PHF21A: variants seen among roughly 807,000 people sequenced by gnomAD.
PHF21A encodes the protein PHD finger protein 21A, also known as BHC80a.
Under a neutral mutation model 82.5 loss-of-function variants are expected in PHF21A, and 11 were observed. The ratio of observed to expected loss-of-function variants is 0.13; its 90% CI spans 0.08 to 0.22. The LOEUF is 0.22. Ranked by LOEUF, PHF21A falls within the 10% of genes least tolerant of loss-of-function variation. The pLI is 1.00. For missense variants in PHF21A, 579 were observed against 837.8 expected (o/e 0.69, Z 3.81); for synonymous variants, 297 against 302.8 (o/e 0.98, Z 0.20).
At chr11:45,993,993 C>T (rs1156423013) in intron 6 of PHF21A, among the ~76,000 whole-genome samples, 1 of 152,098 alleles carries the variant, frequency 6.6e-6, no homozygotes, top group Non-Finnish European at 1.5e-5. Context: ...GCCAGGGAGA[C>T]TGTACTTCTG....
At chr11:46,075,045 A>G (rs1161125786) in intron 6 of PHF21A, among the ~76,000 whole-genome samples, 1 of 152,212 alleles carries the variant, frequency 6.6e-6, no homozygotes, top group Non-Finnish European at 1.5e-5. Flanking sequence ...CTGATGTTAG[A>G]CATTTTTTAA....
chr11:45,970,059 T>G (rs2093662071), intron 8 of PHF21A, 155 bp from the exon 9 acceptor site: 1 of 643,190 alleles, frequency 1.6e-6, no homozygotes, highest in African/African-American at 1.8e-5. Flanking sequence ...ATTAGGAAAC[T>G]TTTTAACTCT....
Position 45,993,178 on chromosome 11 carries a change from C to T in PHF21A, c.154-13212G>A, listed in dbSNP as rs556035965. Among the ~76,000 whole-genome samples, 23 of 152,156 alleles carry T rather than the reference C, an allele frequency of 1.5e-4. 1 individual carries two copies. In the South Asian group the frequency reaches 2.9e-3, roughly 19 times the overall value. Reference sequence around the variant, plus strand: ...AAAAACAATTCATGTTATAAACATACGACTATTTAATAATTTTTCAAGAAT... The same window carrying T: ...AAAAACAATTCATGTTATAAACATATGACTATTTAATAATTTTTCAAGAAT... On this transcript the variant is annotated intron_variant, in intron 6 of 18. Coordinates refer to ENST00000676320, the MANE Select transcript of PHF21A (RefSeq NM_001352027.3).
intron 11 of PHF21A, among the ~76,000 whole-genome samples, chr11:45,952,251 T>C (rs2092220287): frequency 6.6e-6 from 1 of 152,206 alleles, no homozygotes; most frequent in African/African-American, 2.4e-5. Flanking sequence ...ATGATGGTAC[T>C]TGCTTGCCCA....
At chr11:46,027,768 T>TAA (rs1193659363) in intron 6 of PHF21A, among the ~76,000 whole-genome samples, 5 of 152,248 alleles carry the variant, frequency 3.3e-5, no homozygotes, top group African/African-American at 1.2e-4. Flanking sequence ...GGATACCTGT[T>TAA]AAACAATGAT....
At chr11:46,011,114 C>T (rs1359824049) in intron 6 of PHF21A, among the ~76,000 whole-genome samples, 1 of 152,260 alleles carries the variant, frequency 6.6e-6, no homozygotes, top group East Asian at 1.9e-4. Flanking sequence ...GCCACTAGAT[C>T]GTGAACTCCT....
At chr11:45,940,282 G>T (rs1226240527) in intron 15 of PHF21A, among the ~76,000 whole-genome samples, 2 of 151,434 alleles carry the variant, frequency 1.3e-5, no homozygotes, top group African/African-American at 4.9e-5. Context: ...TGCAACCTCT[G>T]CCTCCTGGAT....
intron 6 of PHF21A, among the ~76,000 whole-genome samples, chr11:46,044,650 C>T (rs1237441582): frequency 6.6e-6 from 1 of 152,144 alleles, no homozygotes; most frequent in Non-Finnish European, 1.5e-5. Flanking sequence ...CCTGTGCTTT[C>T]ACTCATAAAC....
chr11:46,043,156 A>C lies in PHF21A; in HGVS notation c.153+33598T>G, dbSNP rs1211671192. On this transcript the variant is annotated intron_variant, in intron 6 of 18. Coordinates refer to ENST00000676320, the MANE Select transcript of PHF21A (RefSeq NM_001352027.3). ...ATGCCATTTGGGTCCTTTAGAGGTA[A>C]GAAATTCAATCAATGTAAAGTACAC... 2.0e-5 allele frequency among the ~76,000 whole-genome samples: 3 copies of C among 152,316 alleles called. No individual in the cohort carries two copies. In the East Asian group the frequency reaches 5.8e-4, roughly 29 times the overall value.
chr11:46,096,242 A>T (rs566890113), intron 1 of PHF21A, among the ~76,000 whole-genome samples: 28 of 151,484 alleles, frequency 1.8e-4, no homozygotes, highest in Non-Finnish European at 3.7e-4. Flanking sequence ...TTTTCCCCTC[A>T]TCATTACTGG....
At chr11:46,085,311 C>T (rs1162538552) in intron 3 of PHF21A, among the ~76,000 whole-genome samples, 1 of 152,148 alleles carries the variant, frequency 6.6e-6, no homozygotes, top group Non-Finnish European at 1.5e-5. Context: ...TTCAAGCTTG[C>T]CAGTCATCTC....
intron 12 of PHF21A, among the ~76,000 whole-genome samples, chr11:45,949,905 AG>A (rs1254053748): frequency 1.2e-4 from 18 of 152,224 alleles, no homozygotes; most frequent in African/African-American, 4.3e-4. Flanking sequence ...GAAAATATAA[AG>A]GCTTATCAGA....
chr11:46,050,070 C>T (rs1203121647), intron 6 of PHF21A, among the ~76,000 whole-genome samples: 2 of 152,210 alleles, frequency 1.3e-5, no homozygotes, highest in South Asian at 2.1e-4. Context: ...CAAGTCTTTC[C>T]CCAGCAGAGT....
intron 3 of PHF21A, among the ~76,000 whole-genome samples, chr11:46,088,142 G>A (rs962838057): frequency 3.3e-5 from 5 of 152,090 alleles, no homozygotes; most frequent in Non-Finnish European, 7.4e-5. Flanking sequence ...AGAATTATTG[G>A]CTACATTTGT....
intron 4 of PHF21A, 87 bp from the exon 5 acceptor site, chr11:46,079,253 T>C: frequency 1.1e-6 from 1 of 896,928 alleles, no homozygotes; most frequent in Non-Finnish European, 1.8e-6. Flanking sequence ...ATCTAGGATT[T>C]TAAGTTAACA....
chr11:45,975,882 T>C (rs1340494761), intron 7 of PHF21A, among the ~76,000 whole-genome samples: 4 of 152,128 alleles, frequency 2.6e-5, no homozygotes, highest in Non-Finnish European at 2.9e-5. Flanking sequence ...GGCCCCCCGA[T>C]TGCTACTTAA....
chr11:45,987,251 A>AATGTATGTATGTATGT (rs57573859), intron 6 of PHF21A, among the ~76,000 whole-genome samples: 51,316 of 148,350 alleles, frequency 0.35, 10,300 homozygotes, highest in East Asian at 0.72. Flanking sequence ...ATCATAAATA[A>AATGTATGTATGTATGT]ATGTATGTAT....
intron 6 of PHF21A, among the ~76,000 whole-genome samples, chr11:46,046,645 T>C (rs1190149182): frequency 1.2e-4 from 19 of 152,196 alleles, no homozygotes; most frequent in Admixed American, 1.2e-3. Flanking sequence ...TCAAAAGGGT[T>C]GGTAATGGTA....
intron 14 of PHF21A, among the ~76,000 whole-genome samples, chr11:45,948,476 C>T (rs2135441717): frequency 6.6e-6 from 1 of 152,348 alleles, no homozygotes; most frequent in South Asian, 2.1e-4. Flanking sequence ...CTCAGCGTCA[C>T]ACTCTGGCCT....
Sources: allele counts gnomAD v4.1 joint callset (sites outside exome capture counted in the v4.1 genomes callset), GRCh38; gene constraint gnomAD v4.1.1; transcripts MANE v1.5; gene names NCBI Gene and HGNC (gene_info 2026-07-23, HGNC 2026-07-21).